The following PTPRN2 variants were observed in gnomAD, a reference collection of about 807,000 sequenced individuals.
The protein encoded by PTPRN2 is receptor-type tyrosine-protein phosphatase N2.
PTPRN2 carries 74 observed loss-of-function variants against 118.8 expected under a neutral mutation model. The ratio of observed to expected loss-of-function variants is 0.62; its 90% CI spans 0.52 to 0.76. The LOEUF is 0.76. Ranked by LOEUF, PTPRN2 falls within the 30% of genes least tolerant of loss-of-function variation. The pLI, the probability that PTPRN2 is intolerant of heterozygous loss-of-function variation, is 0.00. For missense variants in PTPRN2, 1,481 were observed against 1,394.4 expected (o/e 1.06, Z -0.99); for synonymous variants, 641 against 608.0 (o/e 1.05, Z -0.80).
intron 12 of PTPRN2, 38 bp from the exon 13 acceptor site, chr7:157,682,975 C>T: frequency 6.6e-7 from 1 of 1,507,780 alleles, no homozygotes. Flanking sequence ...TAGCTCCTGA[C>T]AAAGCATGAC....
intron 12 of PTPRN2, among the ~76,000 whole-genome samples, chr7:157,850,456 A>G (rs983716100): frequency 1.3e-5 from 2 of 152,012 alleles, no homozygotes; most frequent in Admixed American, 6.6e-5. Context: ...ACGCTCGCAT[A>G]AGGGATCCCA....
At chr7:158,506,949 T>G (rs1010338016) in intron 1 of PTPRN2, among the ~76,000 whole-genome samples, 8 of 152,128 alleles carry the variant, frequency 5.3e-5, no homozygotes, top group Non-Finnish European at 1.2e-4. Context: ...ACCGCTCTGG[T>G]TCGGGGTGGT....
chr7:157,659,906 G>C (rs746290816), intron 13 of PTPRN2, among the ~76,000 whole-genome samples: 74 of 151,862 alleles, frequency 4.9e-4, no homozygotes, highest in Non-Finnish European at 9.9e-4. Flanking sequence ...CACCACGCCC[G>C]GCTAATTTTT....
chr7:158,491,401 C>T (rs1194348776), intron 1 of PTPRN2, among the ~76,000 whole-genome samples: 1 of 152,228 alleles, frequency 6.6e-6, no homozygotes, highest in Non-Finnish European at 1.5e-5. Context: ...GACACCCCAC[C>T]CATTGACGGG....
intron 2 of PTPRN2, among the ~76,000 whole-genome samples, chr7:158,388,581 C>T (rs1563231528): frequency 6.6e-6 from 1 of 152,360 alleles, no homozygotes; most frequent in South Asian, 2.1e-4. Flanking sequence ...TGCACCTCCA[C>T]GTGTCTGCCA....
intron 6 of PTPRN2, among the ~76,000 whole-genome samples, chr7:158,165,605 A>G (rs1822891988): frequency 6.6e-6 from 1 of 152,384 alleles, no homozygotes; most frequent in South Asian, 2.1e-4. Flanking sequence ...GCTCGCTCTC[A>G]GCGGCTCCCA....
intron 11 of PTPRN2, among the ~76,000 whole-genome samples, chr7:157,924,314 GGC>G (rs1380384236): frequency 6.6e-6 from 1 of 152,218 alleles, no homozygotes; most frequent in African/African-American, 2.4e-5. Context: ...CATCAGAAAG[GGC>G]GGCCCTGGGC....
At position 157,603,699 on chromosome 7, in the gene PTPRN2, C is replaced by T. The variant is rs187847686; in HGVS notation, c.2418+303G>A. Among the ~76,000 whole-genome samples, 144 of 152,266 alleles carry T rather than the reference C, an allele frequency of 9.5e-4. 2 individuals are homozygous for T. The highest frequency in any genetic ancestry group is 8.3e-3 in the Admixed American group (127 of 15,298). On this transcript the variant is annotated intron_variant, in intron 16 of 22. Transcript: ENST00000389418. The surrounding 1 kb of genome is among the most constrained non-coding windows in gnomAD (Gnocchi z 5.4). ...CAGGAAAGAGGAACGGCACCCACTA[C>T]GAACCTCTCCTAAAAGCCATGTCTT...
chr7:157,944,905 G>T lies in PTPRN2; in HGVS notation c.1724-46168C>A, dbSNP rs183853208. On this transcript the variant is annotated intron_variant, in intron 11 of 22. Coordinates refer to ENST00000389418, the MANE Select transcript of PTPRN2 (RefSeq NM_002847.5). The surrounding 1 kb of genome is among the most constrained non-coding windows in gnomAD (Gnocchi z 4.3). The stretch of plus-strand genomic sequence containing the variant: ...CCACAGTCCACAACTCCTGAATCCT[G>T]CCTAGTATTTATACAGTAAACAGAG... 6.6e-6 allele frequency among the ~76,000 whole-genome samples: 1 copy of T among 152,322 alleles called. No individual in the cohort carries two copies. Among genetic ancestry groups the T allele is most frequent in the East Asian group, 1.9e-4 (1 of 5,178 alleles).
At chr7:158,334,550 C>T (rs201280103) in intron 2 of PTPRN2, among the ~76,000 whole-genome samples, 9 of 111,332 alleles carry the variant, frequency 8.1e-5, no homozygotes, top group South Asian at 3.4e-4. Context: ...CACACCCACA[C>T]TCTCACCATA....
chr7:157,561,655 G>A (rs2150493483), intron 21 of PTPRN2, among the ~76,000 whole-genome samples: 1 of 152,342 alleles, frequency 6.6e-6, no homozygotes, highest in East Asian at 1.9e-4. Flanking sequence ...CAGAACGGAG[G>A]GCCCCTTGGG....
At chr7:158,024,097 C>A (rs1807097440) in intron 11 of PTPRN2, among the ~76,000 whole-genome samples, 1 of 152,172 alleles carries the variant, frequency 6.6e-6, no homozygotes, top group Admixed American at 6.5e-5. Flanking sequence ...TATGACAATG[C>A]CAAACACACC....
intron 2 of PTPRN2, among the ~76,000 whole-genome samples, chr7:158,337,434 GGTGA>G (rs1329134453): frequency 5.0e-5 from 7 of 138,882 alleles, no homozygotes; most frequent in African/African-American, 8.2e-5. Context: ...CACCATAAGA[GGTGA>G]CACCCACAGA....
rs1220336281 is a variant in PTPRN2, at chr7:158,529,063, G to A, written c.113-39278C>T. ...ATCACACAGCCAGGGGCAAATCTCA[G>A]CTCTGCAGCCTGAGAAAAGTCACCC... On this transcript the variant is annotated intron_variant, in intron 1 of 22. Transcript: ENST00000389418. The surrounding 1 kb of genome is among the most constrained non-coding windows in gnomAD (Gnocchi z 4.7). Among the ~76,000 whole-genome samples, 1 of 152,144 alleles carries A rather than the reference G, an allele frequency of 6.6e-6. No individual in the cohort carries two copies. The highest frequency in any genetic ancestry group is 2.4e-5 in the African/African-American group (1 of 41,414).
intron 14 of PTPRN2, among the ~76,000 whole-genome samples, chr7:157,634,984 C>T (rs932557138): frequency 6.6e-5 from 10 of 152,188 alleles, no homozygotes; most frequent in Non-Finnish European, 1.2e-4. Context: ...CAGCATGTCT[C>T]GAGTGTGACG....
chr7:158,538,076 G>T (rs984837676), intron 1 of PTPRN2, among the ~76,000 whole-genome samples: 1 of 152,208 alleles, frequency 6.6e-6, no homozygotes, highest in African/African-American at 2.4e-5. Flanking sequence ...GGAAGGAGTA[G>T]ACCACCACAG....
chr7:158,337,111 A>C, intron 2 of PTPRN2, among the ~76,000 whole-genome samples: 1 of 151,950 alleles, frequency 6.6e-6, no homozygotes, highest in Non-Finnish European at 1.5e-5. Flanking sequence ...TCACCATAAG[A>C]GCTGAGGCCC....
At chr7:158,508,645 G>A (rs1380399378) in intron 1 of PTPRN2, among the ~76,000 whole-genome samples, 3 of 140,856 alleles carry the variant, frequency 2.1e-5, no homozygotes, top group Non-Finnish European at 3.1e-5. Context: ...AAGTGGCTCC[G>A]CTCCTGTGGG....
intron 2 of PTPRN2, among the ~76,000 whole-genome samples, chr7:158,318,469 G>A (rs573739808): frequency 5.5e-4 from 84 of 152,344 alleles, no homozygotes; most frequent in African/African-American, 1.9e-3. Context: ...TGGGGCCCCA[G>A]AGGAGGGAGT....
Sources: gnomAD v4.1 joint callset for allele counts (sites outside exome capture counted in the v4.1 genomes callset) on GRCh38, gnomAD v4.1.1 for gene constraint, Gnocchi (gnomAD v3.1) non-coding constraint, MANE v1.5 for transcripts, NCBI Gene and HGNC (gene_info 2026-07-23, HGNC 2026-07-21) for gene names.